PCSK6: variants seen among roughly 807,000 people sequenced by gnomAD.
PCSK6 encodes the protein proprotein convertase subtilisin/kexin type 6.
A neutral mutation model predicts 123.3 loss-of-function variants in PCSK6; 85 were observed. That is an observed-to-expected ratio of 0.69 (90% CI 0.58 to 0.83). The LOEUF (loss-of-function observed/expected upper bound fraction) is 0.83. PCSK6 is among the 40% of genes least tolerant of loss of function. The pLI is 0.00. For missense variants in PCSK6, 1,191 were observed against 1,282.3 expected (o/e 0.93, Z 1.09); for synonymous variants, 508 against 516.0 (o/e 0.98, Z 0.21).
Position 101,318,327 on chromosome 15 carries a change from G to C in PCSK6, c.2561C>G (p.Thr854Ser), listed in dbSNP as rs770626802. The change falls in exon 19 of 22, where the codon ACC (threonine) becomes AGC (serine). Residue 854 changes from threonine to serine, a missense_variant. Thr to Ser is a moderately conservative substitution (Grantham distance 58). Coordinates refer to ENST00000611716, the MANE Select transcript of PCSK6 (RefSeq NM_002570.5). The part of the protein sequence containing the change: ...RCGECHHTCG[T>S]CVGPGREECI... ...GCAGGCGGTGAACTCACCCACGCAGGTTCCGCAGGTGTGATGGCATTCCCC... is the reference window on the plus strand; with the variant it reads ...GCAGGCGGTGAACTCACCCACGCAGCTTCCGCAGGTGTGATGGCATTCCCC... 9.6e-6 allele frequency: 15 copies of C among 1,556,528 alleles called. No homozygotes were observed. The highest frequency in any genetic ancestry group is 1.3e-5 in the Non-Finnish European group (15 of 1,149,802).
intron 1 of PCSK6, among the ~76,000 whole-genome samples, chr15:101,456,832 G>A (rs940900747): frequency 3.3e-5 from 5 of 152,206 alleles, no homozygotes; most frequent in Admixed American, 1.3e-4. Context: ...GCAATGAAGG[G>A]ACCCCAGGCC....
chr15:101,384,092 T>G (rs752330693), intron 10 of PCSK6: 1 of 984,004 alleles, frequency 1.0e-6, no homozygotes, highest in Non-Finnish European at 1.2e-6. Context: ...GCCAAAGTTA[T>G]AGAGTATAGG....
chr15:101,320,338 G>C (rs1001840563), intron 18 of PCSK6, among the ~76,000 whole-genome samples: 1 of 152,058 alleles, frequency 6.6e-6, no homozygotes, highest in Non-Finnish European at 1.5e-5. Context: ...TGCCTGCCTC[G>C]GCCTCCCAAA....
chr15:101,462,244 G>A (rs775583267), intron 1 of PCSK6, among the ~76,000 whole-genome samples: 5 of 152,194 alleles, frequency 3.3e-5, no homozygotes, highest in Non-Finnish European at 7.3e-5. Context: ...TCAGAGATGT[G>A]TAAGTTGTGT....
chr15:101,354,606 T>A (rs1489918604), intron 13 of PCSK6, among the ~76,000 whole-genome samples: 1 of 152,270 alleles, frequency 6.6e-6, no homozygotes, highest in Non-Finnish European at 1.5e-5. Context: ...CAGACAGTCT[T>A]GCATTCTGAC....
chr15:101,348,912 C>G (rs1371416702), intron 13 of PCSK6, among the ~76,000 whole-genome samples: 1 of 152,226 alleles, frequency 6.6e-6, no homozygotes, highest in Non-Finnish European at 1.5e-5. Flanking sequence ...CCGCCACCCT[C>G]CTGCTCCTCT....
chr15:101,406,721 C>T (rs868234698), intron 6 of PCSK6, among the ~76,000 whole-genome samples: 1 of 152,154 alleles, frequency 6.6e-6, no homozygotes, highest in Admixed American at 6.5e-5. Flanking sequence ...CTGTGGTCTG[C>T]CGAGTTGTCA....
chr15:101,378,110 C>T (rs1195243195), intron 11 of PCSK6, among the ~76,000 whole-genome samples: 2 of 152,094 alleles, frequency 1.3e-5, no homozygotes, highest in Admixed American at 6.6e-5. Context: ...CTATTTCATT[C>T]GTTGGAATAA....
At chr15:101,404,822 T>C (rs927387867) in intron 6 of PCSK6, among the ~76,000 whole-genome samples, 13 of 152,032 alleles carry the variant, frequency 8.6e-5, no homozygotes, top group Non-Finnish European at 1.9e-4. Context: ...CACCCGGGGG[T>C]CAAGACCAAT....
At position 101,393,389 on chromosome 15, in the gene PCSK6, T is replaced by C. The variant is rs752299959; in HGVS notation, c.1032A>G (p.Ala344=). ...RQGLGSIFVW[A]SGNGGREGDY... is the part of the protein sequence containing the mutation. ...CCCCCTCTCTCCCGCCATTCCCAGA[T>C]GCCCAGACGAAAATGGAGCCCAGGC... The change falls in exon 8 of 22, where the codon GCA becomes GCG. Residue 344 remains alanine (A), a synonymous_variant. Coordinates refer to ENST00000611716, the MANE Select transcript of PCSK6 (RefSeq NM_002570.5). 7 of 1,602,544 alleles carry C rather than the reference T, an allele frequency of 4.4e-6. No individual in the cohort carries two copies. Among genetic ancestry groups the C allele is most frequent in the Non-Finnish European group, 5.1e-6 (6 of 1,174,930 alleles).
intron 18 of PCSK6, 112 bp from the exon 19 acceptor site, chr15:101,318,534 G>T: frequency 2.2e-6 from 2 of 890,312 alleles, no homozygotes; most frequent in Non-Finnish European, 3.5e-6. Flanking sequence ...ACAGTTCTTT[G>T]TGTCACCGAA....
In PCSK6 at chr15:101,347,636, G is replaced by A. The variant is rs373417510; in HGVS notation, c.1859-15605C>T. The A allele has an allele frequency of 4.5e-3, 7,035 of 1,568,946 alleles. 20 individuals carry two copies. Among genetic ancestry groups the A allele is most frequent in the Non-Finnish European group, 5.5e-3 (6,270 of 1,148,006 alleles). ...CTGAGCCTCTGGGGGCGGGAGCTGA[G>A]AGATCCAGCTCTGGACTTCCAAAGG... On this transcript the variant is annotated intron_variant, in intron 13 of 21. Coordinates refer to ENST00000611716, the MANE Select transcript of PCSK6 (RefSeq NM_002570.5).
intron 1 of PCSK6, among the ~76,000 whole-genome samples, chr15:101,454,228 T>A (rs2057114009): frequency 6.6e-6 from 1 of 152,234 alleles, no homozygotes; most frequent in East Asian, 1.9e-4. Context: ...TCAAAAGGAA[T>A]TCTAGAAAAA....
intron 15 of PCSK6, 105 bp from the exon 16 acceptor site, chr15:101,326,584 G>A: frequency 8.9e-7 from 1 of 1,129,366 alleles, no homozygotes; most frequent in Non-Finnish European, 1.3e-6. Flanking sequence ...AGGGTTGGGA[G>A]ACGCTCCCAG....
intron 1 of PCSK6, among the ~76,000 whole-genome samples, chr15:101,462,843 C>T (rs966565542): frequency 6.6e-6 from 1 of 152,042 alleles, no homozygotes; most frequent in African/African-American, 2.4e-5. Flanking sequence ...TCTGTTTGTC[C>T]CTCTAAATCC....
At chr15:101,467,332 G>T (rs1025007221) in intron 1 of PCSK6, among the ~76,000 whole-genome samples, 2 of 151,478 alleles carry the variant, frequency 1.3e-5, no homozygotes, top group Admixed American at 6.6e-5. Context: ...GAGTGCAATG[G>T]CACGATCACG....
chr15:101,453,330 G>A (rs1048380285), intron 1 of PCSK6, among the ~76,000 whole-genome samples: 5 of 152,198 alleles, frequency 3.3e-5, no homozygotes, highest in African/African-American at 9.6e-5. Context: ...CAGAGCACAC[G>A]CCCCTGCTCC....
Position 101,443,545 on chromosome 15 carries a change from A to G in PCSK6, c.402+11T>C. On this transcript the variant is annotated intron_variant, in intron 2 of 21. Transcript: ENST00000611716. The stretch of plus-strand genomic sequence containing the variant: ...CTCCAGCCCTTAGGAAAGCATCCGG[A>G]CACTCTGTACCTGGGGGTCCATTCT... 1 of 1,588,464 alleles carries G rather than the reference A, an allele frequency of 6.3e-7. No homozygotes were observed. Among genetic ancestry groups the G allele is most frequent in the Non-Finnish European group, 8.6e-7 (1 of 1,156,644 alleles).
rs184393036 is a variant in PCSK6 at position 101,328,192 on chromosome 15, G to A, written c.2078-1713C>T. Among the ~76,000 whole-genome samples, 240 of 152,336 alleles carry A rather than the reference G, an allele frequency of 1.6e-3. 2 individuals carry two copies. The highest frequency in any genetic ancestry group is 5.6e-3 in the Admixed American group (85 of 15,306). The stretch of plus-strand genomic sequence containing the variant: ...CTGGCCCAGCGAACGCGGGGCTGTC[G>A]TGGTGACTTGAGGACTTCTCTCCTG... On this transcript the variant is annotated intron_variant, in intron 15 of 21. Transcript: ENST00000611716.
Sources: allele counts gnomAD v4.1 joint callset (sites outside exome capture counted in the v4.1 genomes callset), GRCh38; gene constraint gnomAD v4.1.1; transcripts MANE v1.5; gene names NCBI Gene and HGNC (gene_info 2026-07-23, HGNC 2026-07-21).